Variants in MMP27 observed in about 807,000 individuals in gnomAD.
MMP27 encodes matrix metallopeptidase 27.
MMP27 carries 51 observed loss-of-function variants against 48.1 expected under a neutral mutation model. The observed-to-expected ratio is 1.06, with a 90% confidence interval of 0.85 to 1.34. The LOEUF (loss-of-function observed/expected upper bound fraction) is 1.34, where lower values mean the gene tolerates loss of function less well. Ranked by LOEUF, MMP27 falls within the 40% of genes most tolerant of loss-of-function variation. The probability of loss-of-function intolerance (pLI) is 0.00; values close to 1 mark genes in which losing one functional copy is unlikely to be tolerated. For synonymous variants in MMP27, 229 were observed against 208.9 expected (o/e 1.10, Z -0.83); for missense variants, 698 against 619.3 (o/e 1.13, Z -1.35).
At chr11:102,696,532 A>G (rs1860831374) in intron 5 of MMP27, 41 bp from the exon 6 acceptor site, 3 of 1,607,936 alleles carry the variant, frequency 1.9e-6, no homozygotes, top group African/African-American at 2.7e-5. Context: ...TTAAGAGGGC[A>G]TGAAGAAATA....
chr11:102,702,924 A>G, intron 3 of MMP27, 43 bp from the exon 4 acceptor site: 4 of 1,611,996 alleles, frequency 2.5e-6, no homozygotes, highest in Non-Finnish European at 3.4e-6. Flanking sequence ...AGCTTCCTCA[A>G]ATCTCCTGAG....
chr11:102,704,643 C>T lies in MMP27; in HGVS notation c.235G>A (p.Asp79Asn), dbSNP rs1368509465. 2 of 1,613,990 alleles carry T rather than the reference C, an allele frequency of 1.2e-6. No homozygotes were observed. Among genetic ancestry groups the T allele is most frequent in the Admixed American group, 1.7e-5 (1 of 59,998 alleles). ...TTCATGATCTCAAGGGTGTTTGAGT[C>T]CAGTTTTCCAGTCACTGTCAATCCA... ...FFGLTVTGKL[D>N]SNTLEIMKTP... The change falls in exon 2 of 10, where the codon GAC (aspartate) becomes AAC (asparagine). Residue 79 changes from aspartate (D) to asparagine (N), a missense_variant. Asp to Asn is a conservative substitution (Grantham distance 23). Coordinates refer to ENST00000260229, the MANE Select transcript of MMP27 (RefSeq NM_022122.3).
chr11:102,694,881 T>G, intron 7 of MMP27, 86 bp downstream of exon 7: 3 of 1,520,696 alleles, frequency 2.0e-6, no homozygotes, highest in Admixed American at 1.9e-5. Context: ...GGCTCATGCA[T>G]GAAGATTTTA....
At chr11:102,705,518 C>A in intron 1 of MMP27, 95 bp downstream of exon 1, 1 of 775,400 alleles carries the variant, frequency 1.3e-6, no homozygotes, top group Non-Finnish European at 2.0e-6. Flanking sequence ...GTTCAGGACT[C>A]TTTTGCAGGA....
intron 7 of MMP27, 68 bp downstream of exon 7, chr11:102,694,899 C>T: frequency 6.3e-7 from 1 of 1,578,288 alleles, no homozygotes; most frequent in South Asian, 1.1e-5. Flanking sequence ...TTATTTCTTA[C>T]ACCAAAATAT....
In MMP27 at chr11:102,691,496, A is replaced by C; in HGVS notation, c.*270T>G. ...AAAGGTCCAGACAAAATAGAATGCT[A>C]AAGATTGGTTTAATAAATGTTTCAG... is the stretch of plus-strand genomic sequence containing the variant. On this transcript the variant is annotated 3_prime_UTR_variant, in exon 10 of 10. Transcript: ENST00000260229. 3.5e-6 allele frequency: 1 copy of C among 284,724 alleles called. No homozygotes were observed. Among genetic ancestry groups the C allele is most frequent in the Non-Finnish European group, 6.6e-6 (1 of 152,476 alleles). 17.6% of individuals were successfully genotyped at this position (284,724 alleles called of 1,614,324 possible).
chr11:102,695,171 G>A lies in MMP27; in HGVS notation c.903-74C>T, dbSNP rs915349467. The A allele has an allele frequency of 1.4e-5, 21 of 1,522,928 alleles. No homozygotes were observed. In the African/African-American group the frequency reaches 2.2e-4, roughly 16 times the overall value. The allele number at this position is 1,522,928 out of a possible 1,614,324, so 94.3% of individuals were successfully genotyped here. On this transcript the variant is annotated intron_variant, in intron 6 of 9. Transcript: ENST00000260229. ...ATGAGAATTTTGTAATCTTAGGCTT[G>A]CCTTTTAGCTAATTGGTTGGTATCT...
Position 102,704,574 on chromosome 11 carries a change from T to C in MMP27, c.304A>G (p.Thr102Ala). Residue 102 changes from threonine to alanine, a missense_variant, in exon 2 of 10, where the codon ACC becomes GCC. Physicochemically the swap from Thr to Ala is moderately conservative, Grantham distance 58 (BLOSUM62 0). Transcript: ENST00000260229. ...TTGTATTTTCTCCACCCAGGGAGGG[T>C]GTAGCCATACTGGCCCACATCAGGC... ...GVPDVGQYGY[T>A]LPGWRKYNLT... The C allele has an allele frequency of 6.2e-7, 1 of 1,613,992 alleles. No individual in the cohort carries two copies. Among genetic ancestry groups the C allele is most frequent in the Non-Finnish European group, 8.5e-7 (1 of 1,179,970 alleles).
At chr11:102,699,897 C>G (rs1156584618) in intron 4 of MMP27, among the ~76,000 whole-genome samples, 1 of 152,220 alleles carries the variant, frequency 6.6e-6, no homozygotes, top group Non-Finnish European at 1.5e-5. Flanking sequence ...TATTCACCCT[C>G]TTCACCCTAC....
chr11:102,692,676 TA>T lies in MMP27; in HGVS notation c.1297+261del, dbSNP rs531468711. Among the ~76,000 whole-genome samples the T allele has an allele frequency of 1.2e-3, 184 of 152,292 alleles. 1 individual carries two copies. The highest frequency in any genetic ancestry group is 4.3e-3 in the African/African-American group (177 of 41,562). On this transcript the variant is annotated intron_variant, in intron 9 of 9. Coordinates refer to ENST00000260229, the MANE Select transcript of MMP27 (RefSeq NM_022122.3). Reference sequence around the variant, plus strand: ...ATGTGCTTAGTCACTTCGCACACTTTAGGGGGTGTCTTTACTTATCAATGAT... The same window carrying T: ...ATGTGCTTAGTCACTTCGCACACTTTGGGGGTGTCTTTACTTATCAATGAT...
At chr11:102,700,911 T>C (rs1860927963) in intron 4 of MMP27, among the ~76,000 whole-genome samples, 1 of 152,264 alleles carries the variant, frequency 6.6e-6, no homozygotes, top group Non-Finnish European at 1.5e-5. Flanking sequence ...CTGTTGCTCT[T>C]AAGCAAGTTA....
intron 8 of MMP27, 86 bp downstream of exon 8, chr11:102,693,820 A>G: frequency 1.7e-6 from 2 of 1,145,216 alleles, no homozygotes; most frequent in East Asian, 2.7e-5. Context: ...TTATGGATTC[A>G]TTTTAATTTT....
intron 4 of MMP27, among the ~76,000 whole-genome samples, chr11:102,698,980 C>A (rs1489975836): frequency 2.0e-5 from 3 of 152,284 alleles, no homozygotes; most frequent in African/African-American, 7.2e-5. Flanking sequence ...TCTTAATTAT[C>A]TTTTATTCCT....
At chr11:102,696,315 C>T in intron 6 of MMP27, 56 bp downstream of exon 6, 3 of 1,594,288 alleles carry the variant, frequency 1.9e-6, no homozygotes, top group South Asian at 1.1e-5. Context: ...ATCCTCAAAT[C>T]TCTTGAAAAG....
chr11:102,701,352 G>A (rs1263001709), intron 4 of MMP27, among the ~76,000 whole-genome samples: 1 of 152,178 alleles, frequency 6.6e-6, no homozygotes, highest in Non-Finnish European at 1.5e-5. Context: ...GCTTAAAGCA[G>A]TATGGGTAAG....
chr11:102,698,501 G>C (rs1228777430), intron 4 of MMP27, among the ~76,000 whole-genome samples: 1 of 151,948 alleles, frequency 6.6e-6, no homozygotes, highest in Non-Finnish European at 1.5e-5. Flanking sequence ...CACCAGTTTG[G>C]GGTTGTTGCT....
In MMP27 at chr11:102,696,797, G is replaced by A. The variant is rs769015320; in HGVS notation, c.658C>T (p.His220Tyr). The A allele has an allele frequency of 1.2e-6, 2 of 1,612,112 alleles. No individual in the cohort carries two copies. Among genetic ancestry groups the A allele is most frequent in the South Asian group, 2.2e-5 (2 of 90,380 alleles). ...TTGGAGTGAGAGAGCCCCAGTGCATGACCAAATTCATGAGCAGCCACAAGA... is the reference window on the plus strand; with the variant it reads ...TTGGAGTGAGAGAGCCCCAGTGCATAACCAAATTCATGAGCAGCCACAAGA... ...LFLVAAHEFG[H>Y]ALGLSHSNDQ... The change falls in exon 5 of 10, where the codon CAT (histidine) becomes TAT (tyrosine). Residue 220 changes from histidine (H) to tyrosine (Y), a missense_variant. By Grantham distance (83) the His-to-Tyr change is moderately conservative. Coordinates refer to ENST00000260229, the MANE Select transcript of MMP27 (RefSeq NM_022122.3).
intron 4 of MMP27, among the ~76,000 whole-genome samples, chr11:102,700,733 C>G (rs1391663843): frequency 6.6e-6 from 1 of 152,248 alleles, no homozygotes; most frequent in Admixed American, 6.5e-5. Context: ...TTGTTTGGTG[C>G]ACACGTGTGT....
chr11:102,705,624 G>A lies in MMP27; in HGVS notation c.91C>T (p.Gln31Ter), dbSNP rs868018547. ...VRMTENEENMQLAQAYLNQFY... is the reference protein window; with the variant it reads ...VRMTENEENM ...TATTAAGACAGTACCTGAGCCAGTT[G>A]CATATTTTCTTCATTTTCCGTCATC... The change falls in exon 1 of 10, where the codon CAA becomes TAA. Residue 31 changes from glutamine (Q) to a stop codon, truncating the protein, a stop_gained. Transcript: ENST00000260229. LOFTEE classifies it high-confidence loss of function. The A allele has an allele frequency of 1.9e-6, 3 of 1,567,704 alleles. No individual in the cohort carries two copies. Among genetic ancestry groups the A allele is most frequent in the Non-Finnish European group, 2.6e-6 (3 of 1,150,614 alleles).
Sources: allele counts gnomAD v4.1 joint callset (sites outside exome capture counted in the v4.1 genomes callset), GRCh38; gene constraint gnomAD v4.1.1; transcripts MANE v1.5; gene names NCBI Gene and HGNC (gene_info 2026-07-23, HGNC 2026-07-21).